Variants in CEP192 observed in about 807,000 individuals in gnomAD.
The protein encoded by CEP192 is centrosomal protein of 192 kDa.
A neutral mutation model predicts 271.8 loss-of-function variants in CEP192; 151 were observed. The ratio of observed to expected loss-of-function variants is 0.56; its 90% CI spans 0.49 to 0.64. CEP192 has a LOEUF of 0.64. Among genes scored for constraint, CEP192 ranks in the 30% least tolerant of loss-of-function variants. CEP192 has a pLI of 0.00. For missense variants in CEP192, 2,910 were observed against 3,020.5 expected (o/e 0.96, Z 0.86); for synonymous variants, 995 against 1,076.5 (o/e 0.92, Z 1.48).
chr18:13,017,429 A>G, intron 7 of CEP192, 93 bp downstream of exon 7: 1 of 966,186 alleles, frequency 1.0e-6, no homozygotes, highest in South Asian at 2.3e-5. Context: ...AAGCCTTTGG[A>G]CTTTGGACTT....
intron 38 of CEP192, among the ~76,000 whole-genome samples, chr18:13,103,097 G>A (rs764504897): frequency 3.3e-5 from 5 of 152,142 alleles, no homozygotes; most frequent in East Asian, 1.9e-4. Context: ...CCACACATGC[G>A]CATGTCTTTT....
intron 38 of CEP192, among the ~76,000 whole-genome samples, chr18:13,101,264 G>T (rs142413163): frequency 6.6e-4 from 100 of 152,296 alleles, no homozygotes; most frequent in Non-Finnish European, 1.3e-3. Context: ...AATGAACTTT[G>T]TGTTAGAGGA....
intron 30 of CEP192, among the ~76,000 whole-genome samples, chr18:13,083,375 C>T (rs1270292937): frequency 3.9e-5 from 6 of 152,186 alleles, no homozygotes; most frequent in African/African-American, 1.4e-4. Context: ...GATCTTCAAT[C>T]ACTGATATCC....
intron 4 of CEP192, among the ~76,000 whole-genome samples, chr18:13,009,199 T>G (rs1843913858): frequency 2.0e-5 from 3 of 152,226 alleles, no homozygotes; most frequent in Admixed American, 1.3e-4. Context: ...GAACTGAAAA[T>G]GCTTTGGTTT....
rs138090127 is a variant in CEP192, at chr18:12,992,630, T to C, written c.-5+1193T>C. Among the ~76,000 whole-genome samples the C allele has an allele frequency of 4.0e-4, 61 of 152,324 alleles. No individual in the cohort carries two copies. In the East Asian group the frequency reaches 0.011, roughly 27 times the overall value. ...GTGAGAAATTAAAGGAAATTTCCTT[T>C]AGGAATGTGTTATGTCCATGAATGG... On this transcript the variant is annotated intron_variant, in intron 1 of 44. Transcript: ENST00000506447.
intron 2 of CEP192, chr18:13,000,550 GCTGTCTTTCTCTTTCT>G (rs1436792034): frequency 6.6e-6 from 1 of 152,176 alleles, no homozygotes; most frequent in African/African-American, 2.4e-5. Flanking sequence ...GACTTGTATG[GCTGTCTTTCTCTTTCT>G]CTTCCAGCTT....
At chr18:12,998,679 T>C (rs532043590) in intron 1 of CEP192, among the ~76,000 whole-genome samples, 4 of 152,350 alleles carry the variant, frequency 2.6e-5, no homozygotes, top group African/African-American at 9.6e-5. Context: ...CCTCTCATTT[T>C]TTTTAGCTTT....
At chr18:13,011,946 A>G (rs2034385059) in intron 4 of CEP192, among the ~76,000 whole-genome samples, 2 of 152,244 alleles carry the variant, frequency 1.3e-5, no homozygotes, top group South Asian at 2.1e-4. Flanking sequence ...GTATGGCCAC[A>G]TGAGTGGAGT....
chr18:13,039,316 A>G (rs2036077599), intron 13 of CEP192, among the ~76,000 whole-genome samples: 1 of 152,152 alleles, frequency 6.6e-6, no homozygotes, highest in East Asian at 1.9e-4. Context: ...TTAGCCAGAT[A>G]TGGTGGTGCG....
intron 13 of CEP192, among the ~76,000 whole-genome samples, chr18:13,039,807 AAGTC>A (rs560790361): frequency 3.7e-4 from 57 of 152,298 alleles, no homozygotes; most frequent in Admixed American, 6.5e-4. Flanking sequence ...CAGGTAGTGA[AAGTC>A]AGCAAAAGAC....
At chr18:13,109,555 G>A (rs1014657361) in intron 40 of CEP192, among the ~76,000 whole-genome samples, 5 of 151,816 alleles carry the variant, frequency 3.3e-5, no homozygotes, top group African/African-American at 1.2e-4. Context: ...AAGGAAAACG[G>A]AACAACAATA....
Position 13,027,216 on chromosome 18 carries a change from A to G in CEP192, c.1051-2447A>G, listed in dbSNP as rs542976122. On this transcript the variant is annotated intron_variant, in intron 9 of 44. Transcript: ENST00000506447. ...GCTACTTAGGCTCAGATAAAACCCC[A>G]GCAGGTTAGGTTTTCTTGAGGTTTG... Among the ~76,000 whole-genome samples the G allele has an allele frequency of 4.6e-5, 7 of 152,310 alleles. No individual in the cohort carries two copies. In the East Asian group the frequency reaches 1.2e-3, roughly 25 times the overall value.
chr18:13,052,555 T>G (rs1160949037), intron 17 of CEP192, among the ~76,000 whole-genome samples: 1 of 152,236 alleles, frequency 6.6e-6, no homozygotes, highest in East Asian at 1.9e-4. Flanking sequence ...TGTTCCCATT[T>G]CTTTGCACTT....
In CEP192 at chr18:13,056,326, G is replaced by T; in HGVS notation, c.3736G>T (p.Ala1246Ser). The T allele has an allele frequency of 6.2e-7, 1 of 1,614,224 alleles. No homozygotes were observed. The highest frequency in any genetic ancestry group is 8.5e-7 in the Non-Finnish European group (1 of 1,180,026). ...GGCTGACATGCAGAACATGCCTGCT[G>T]CTGTGCACGCACTCTTGACACAACC... ...SVADMQNMPAAVHALLTQPSL... is the reference protein window; with the variant it reads ...SVADMQNMPASVHALLTQPSL... Residue 1246 changes from alanine to serine, a missense_variant, in exon 19 of 45, where the codon GCT (alanine) becomes TCT (serine). Coordinates refer to ENST00000506447, the MANE Select transcript of CEP192 (RefSeq NM_032142.4).
rs1385204932 is a variant in CEP192, at chr18:13,089,444, C to T, written c.5994-12C>T. ...TCACTTTTAAATAATAAAAAAAAAT[C>T]TCTCCTGGCAGGGCCCTGTTACATA... On this transcript the variant is annotated splice_polypyrimidine_tract_variant and intron_variant, in intron 32 of 44. Transcript: ENST00000506447. The T allele has an allele frequency of 7.3e-7, 1 of 1,364,704 alleles. No individual in the cohort carries two copies. Among genetic ancestry groups the T allele is most frequent in the Non-Finnish European group, 1.0e-6 (1 of 989,542 alleles). 84.5% of individuals were successfully genotyped at this position (1,364,704 alleles called of 1,614,324 possible).
chr18:13,099,611 TTGAG>T, intron 37 of CEP192, 30 bp downstream of exon 37: 1 of 1,124,852 alleles, frequency 8.9e-7, no homozygotes, highest in African/African-American at 1.6e-5. Flanking sequence ...GGTTTTTTTT[TTGAG>T]TGACAATTCT....
chr18:13,028,593 C>T (rs1367559010), intron 9 of CEP192, among the ~76,000 whole-genome samples: 1 of 152,186 alleles, frequency 6.6e-6, no homozygotes, highest in Non-Finnish European at 1.5e-5. Flanking sequence ...GTTCTTGGCT[C>T]ACTGCAACCT....
At chr18:13,112,739 C>T (rs976251672) in intron 40 of CEP192, among the ~76,000 whole-genome samples, 1 of 152,188 alleles carries the variant, frequency 6.6e-6, no homozygotes, top group African/African-American at 2.4e-5. Context: ...CCTCCAGGCT[C>T]TCAAAAGCCT....
intron 30 of CEP192, among the ~76,000 whole-genome samples, chr18:13,076,929 AC>A (rs1255831497): frequency 6.6e-6 from 1 of 152,004 alleles, no homozygotes; most frequent in African/African-American, 2.4e-5. Context: ...GATTACAGGC[AC>A]CCGTCACCAC....
Sources: gnomAD v4.1 joint callset for allele counts (sites outside exome capture counted in the v4.1 genomes callset) on GRCh38, gnomAD v4.1.1 for gene constraint, MANE v1.5 for transcripts, NCBI Gene and HGNC (gene_info 2026-07-23, HGNC 2026-07-21) for gene names.